NRXN3: variants seen among roughly 807,000 people sequenced by gnomAD.
The protein encoded by NRXN3 is neurexin 3, also known as neurexin III.
Under a neutral mutation model 137.6 loss-of-function variants are expected in NRXN3, and 32 were observed. The observed-to-expected ratio is 0.23, with a 90% CI of 0.18 to 0.31. The LOEUF is 0.31. Ranked by LOEUF, NRXN3 falls within the 10% of genes least tolerant of loss-of-function variation. The pLI, the probability that NRXN3 is intolerant of heterozygous loss-of-function variation, is 1.00. For synonymous variants in NRXN3, 798 were observed against 784.5 expected, an observed-to-expected ratio of 1.02 and a Z score of -0.29; for missense variants, 1,574 against 2,062.5, an observed-to-expected ratio of 0.76 and a Z score of 4.59.
At chr14:78,543,444 C>T (rs757328698) in intron 4 of NRXN3, among the ~76,000 whole-genome samples, 65 of 152,090 alleles carry the variant, frequency 4.3e-4, no homozygotes, top group Non-Finnish European at 6.6e-4. Context: ...TGTTTTTGAG[C>T]ACTAATCATA....
intron 4 of NRXN3, among the ~76,000 whole-genome samples, chr14:78,395,495 T>C (rs2091346292): frequency 6.6e-6 from 1 of 151,962 alleles, no homozygotes; most frequent in Non-Finnish European, 1.5e-5. Context: ...TACTGTTGGG[T>C]GGAGTGTTTG....
intron 7 of NRXN3, among the ~76,000 whole-genome samples, chr14:78,710,282 T>G (rs1339433068): frequency 6.6e-6 from 1 of 152,046 alleles, no homozygotes; most frequent in Non-Finnish European, 1.5e-5. Flanking sequence ...ACCTTTTACA[T>G]TTTGTTTAAA....
chr14:78,511,214 G>A (rs931596652), intron 4 of NRXN3, among the ~76,000 whole-genome samples: 1 of 152,144 alleles, frequency 6.6e-6, no homozygotes, highest in African/African-American at 2.4e-5. Flanking sequence ...ACTCATGCCA[G>A]TCCCAGGATT....
At chr14:78,624,449 GCAGTGAA>G in intron 4 of NRXN3, among the ~76,000 whole-genome samples, 1 of 152,330 alleles carries the variant, frequency 6.6e-6, no homozygotes, top group South Asian at 2.1e-4. Flanking sequence ...AAAAAGTTGT[GCAGTGAA>G]CAGTTTCCCT....
chr14:78,846,303 G>A (rs907772456), intron 10 of NRXN3, among the ~76,000 whole-genome samples: 3 of 151,962 alleles, frequency 2.0e-5, no homozygotes, highest in African/African-American at 4.8e-5. Context: ...ATTGGAAAAG[G>A]GTCATTTCCT....
intron 19 of NRXN3, among the ~76,000 whole-genome samples, chr14:79,758,336 C>T (rs2099026855): frequency 6.6e-6 from 1 of 152,056 alleles, no homozygotes; most frequent in Non-Finnish European, 1.5e-5. Flanking sequence ...TCTGGTGCTG[C>T]CCCTAGGAAG....
At chr14:78,290,783 C>T (rs972547483) in intron 3 of NRXN3, among the ~76,000 whole-genome samples, 1 of 152,216 alleles carries the variant, frequency 6.6e-6, no homozygotes, top group African/African-American at 2.4e-5. Context: ...TCTTGAGTTT[C>T]TCCATTCAAA....
chr14:78,405,655 G>T (rs887152881), intron 4 of NRXN3, among the ~76,000 whole-genome samples: 68 of 151,986 alleles, frequency 4.5e-4, no homozygotes, highest in Admixed American at 4.5e-3. Flanking sequence ...CAACTGCAGG[G>T]CTGGGAGCCT....
chr14:78,406,692 G>A (rs2092506027), intron 4 of NRXN3, among the ~76,000 whole-genome samples: 1 of 152,130 alleles, frequency 6.6e-6, no homozygotes. Context: ...ATGTTCCTGG[G>A]AATAGATGTT....
intron 15 of NRXN3, among the ~76,000 whole-genome samples, chr14:79,005,801 A>G (rs2099551306): frequency 6.6e-6 from 1 of 151,964 alleles, no homozygotes; most frequent in Non-Finnish European, 1.5e-5. Context: ...AATTTGAACC[A>G]GGACTATGTG....
intron 15 of NRXN3, among the ~76,000 whole-genome samples, chr14:79,454,740 T>G (rs1038387275): frequency 6.6e-6 from 1 of 152,212 alleles, no homozygotes; most frequent in South Asian, 2.1e-4. Context: ...TAGAACATCT[T>G]AATTCTATCT....
intron 16 of NRXN3, among the ~76,000 whole-genome samples, chr14:79,663,084 A>T (rs139317090): frequency 1.3e-5 from 2 of 152,094 alleles, no homozygotes; most frequent in Admixed American, 1.3e-4. Flanking sequence ...TCTTGAATAT[A>T]TCTCTCTTTG....
chr14:78,529,319 A>G (rs1400715482), intron 4 of NRXN3, among the ~76,000 whole-genome samples: 1 of 152,184 alleles, frequency 6.6e-6, no homozygotes, highest in Non-Finnish European at 1.5e-5. Context: ...TTTCCTAGAT[A>G]ATGGCATAAA....
intron 20 of NRXN3, among the ~76,000 whole-genome samples, chr14:79,852,557 T>G (rs1451382561): frequency 1.3e-5 from 2 of 152,150 alleles, no homozygotes; most frequent in Non-Finnish European, 2.9e-5. Flanking sequence ...AAATGTCTAC[T>G]TACGACGTAC....
chr14:78,547,976 A>G (rs2096652229), intron 4 of NRXN3, among the ~76,000 whole-genome samples: 1 of 152,198 alleles, frequency 6.6e-6, no homozygotes, highest in South Asian at 2.1e-4. Context: ...GATTGCTTAG[A>G]TATATAAAGA....
intron 19 of NRXN3, among the ~76,000 whole-genome samples, chr14:79,773,896 C>T (rs2099088286): frequency 6.7e-6 from 1 of 150,158 alleles, no homozygotes; most frequent in Non-Finnish European, 1.5e-5. Flanking sequence ...TCTCTCTGCT[C>T]ACCGGTAGGT....
chr14:78,704,871 T>C (rs1403411426), intron 6 of NRXN3, among the ~76,000 whole-genome samples: 1 of 152,212 alleles, frequency 6.6e-6, no homozygotes, highest in Non-Finnish European at 1.5e-5. Context: ...TTGTTCCGGC[T>C]CTCAGCTTGC....
At chr14:79,008,121 G>T (rs1040959118) in intron 15 of NRXN3, among the ~76,000 whole-genome samples, 1 of 152,086 alleles carries the variant, frequency 6.6e-6, no homozygotes, top group Non-Finnish European at 1.5e-5. Context: ...ATTTTGGGGG[G>T]GCTTAAGATA....
At chr14:78,832,035 TG>T (rs1258274264) in intron 10 of NRXN3, among the ~76,000 whole-genome samples, 1 of 152,062 alleles carries the variant, frequency 6.6e-6, no homozygotes, top group Non-Finnish European at 1.5e-5. Context: ...TGCATAAAAG[TG>T]CCTAGATCAA....
Sources: allele counts gnomAD v4.1 joint callset (sites outside exome capture counted in the v4.1 genomes callset), GRCh38; gene constraint gnomAD v4.1.1; transcripts MANE v1.5; gene names NCBI Gene and HGNC (gene_info 2026-07-23, HGNC 2026-07-21).